Variants in KCNAB1 observed in about 807,000 individuals in gnomAD.
The protein encoded by KCNAB1 is voltage-gated potassium channel subunit beta-1.
In KCNAB1, 35 loss-of-function variants were observed where a neutral mutation model predicts 64.6. The ratio of observed to expected loss-of-function variants is 0.54; its 90% CI spans 0.41 to 0.72. KCNAB1 has a LOEUF of 0.72. Ranked by LOEUF, KCNAB1 falls within the 30% of genes least tolerant of loss-of-function variation. KCNAB1 has a pLI of 0.00. For missense variants in KCNAB1, 401 were observed against 512.9 expected, an observed-to-expected ratio of 0.78 and a Z score of 2.11; for synonymous variants, 177 against 183.8, an observed-to-expected ratio of 0.96 and a Z score of 0.30.
At position 156,443,779 on chromosome 3, in the gene KCNAB1, C is replaced by CA. The variant is rs1553747644; in HGVS notation, c.320-9119dup. Among the ~76,000 whole-genome samples, 319 of 145,436 alleles carry CA rather than the reference C, an allele frequency of 2.2e-3. 1 individual carries two copies. Among genetic ancestry groups the CA allele is most frequent in the African/African-American group, 7.9e-3 (286 of 36,258 alleles). Reference sequence around the variant, plus strand: ...ACACACACACACACACACACACACACACTATTCTTTACTTGTAAATGGAGA... The same window carrying CA: ...ACACACACACACACACACACACACACAACTATTCTTTACTTGTAAATGGAGA... On this transcript the variant is annotated intron_variant, in intron 2 of 13. Coordinates refer to ENST00000490337, the MANE Select transcript of KCNAB1 (RefSeq NM_172160.3).
At chr3:156,188,504 G>T (rs556184026) in intron 1 of KCNAB1, among the ~76,000 whole-genome samples, 1 of 152,224 alleles carries the variant, frequency 6.6e-6, no homozygotes, top group South Asian at 2.1e-4. Flanking sequence ...AGAAATGCAT[G>T]CTCATGTAAA....
At chr3:156,281,635 A>T (rs1719732064) in intron 1 of KCNAB1, among the ~76,000 whole-genome samples, 1 of 152,144 alleles carries the variant, frequency 6.6e-6, no homozygotes, top group Non-Finnish European at 1.5e-5. Flanking sequence ...TATTGCCACA[A>T]TTTCAGCTCC....
intron 2 of KCNAB1, among the ~76,000 whole-genome samples, chr3:156,450,577 A>G (rs1391256520): frequency 6.6e-6 from 1 of 152,222 alleles, no homozygotes. Flanking sequence ...CTCTGGACAC[A>G]TAATTTCTGC....
In KCNAB1 at chr3:156,452,383, A is replaced by G. The variant is rs147582821; in HGVS notation, c.320-516A>G. On this transcript the variant is annotated intron_variant, in intron 2 of 13. Coordinates refer to ENST00000490337, the MANE Select transcript of KCNAB1 (RefSeq NM_172160.3). This position sits in a 1 kb window ranked among gnomAD's most constrained non-coding sequence, Gnocchi z 4.6. ...TGGCAGGTTATGACAGAGAAGGCAC[A>G]TAAGTGTCACCTCCTGAGTCTTGTA... 6.5e-4 allele frequency among the ~76,000 whole-genome samples: 99 copies of G among 152,374 alleles called. 1 individual carries two copies. The highest frequency in any genetic ancestry group is 3.4e-3 in the Middle Eastern group (1 of 294).
chr3:156,199,895 G>A (rs904102280), intron 1 of KCNAB1, among the ~76,000 whole-genome samples: 1 of 152,184 alleles, frequency 6.6e-6, no homozygotes, highest in Non-Finnish European at 1.5e-5. Flanking sequence ...GAGGAGAAGA[G>A]GCATTGTGGT....
At chr3:156,474,147 C>T (rs1714165987) in intron 7 of KCNAB1, among the ~76,000 whole-genome samples, 1 of 152,096 alleles carries the variant, frequency 6.6e-6, no homozygotes, top group Non-Finnish European at 1.5e-5. Flanking sequence ...TGGTAGAGCT[C>T]AGCTATATTT....
intron 8 of KCNAB1, among the ~76,000 whole-genome samples, chr3:156,500,283 G>A (rs936646339): frequency 3.9e-5 from 6 of 152,184 alleles, no homozygotes; most frequent in African/African-American, 2.4e-5. Context: ...GCAGAGTGGA[G>A]GGTTAGACAA....
intron 1 of KCNAB1, among the ~76,000 whole-genome samples, chr3:156,354,472 TAA>T (rs1725098388): frequency 1.3e-5 from 2 of 152,040 alleles, no homozygotes; most frequent in East Asian, 3.9e-4. Flanking sequence ...ATAATATCCT[TAA>T]AGACATTTAA....
At chr3:156,385,574 G>A (rs1466070154) in intron 1 of KCNAB1, among the ~76,000 whole-genome samples, 1 of 152,052 alleles carries the variant, frequency 6.6e-6, no homozygotes, top group Non-Finnish European at 1.5e-5. Context: ...ATATGGCACA[G>A]TTACCTAATT....
At chr3:156,504,316 T>C (rs1313716372) in intron 8 of KCNAB1, among the ~76,000 whole-genome samples, 1 of 152,228 alleles carries the variant, frequency 6.6e-6, no homozygotes, top group Non-Finnish European at 1.5e-5. Flanking sequence ...CATCTGTTGA[T>C]GAACACTTAG....
intron 1 of KCNAB1, among the ~76,000 whole-genome samples, chr3:156,199,018 G>A (rs1011630046): frequency 6.8e-6 from 1 of 146,600 alleles, no homozygotes; most frequent in Non-Finnish European, 1.5e-5. Context: ...GCCTGGTGGT[G>A]GCAATATCCC....
intron 1 of KCNAB1, among the ~76,000 whole-genome samples, chr3:156,254,230 T>G (rs747958384): frequency 9.2e-5 from 14 of 152,226 alleles, no homozygotes; most frequent in Non-Finnish European, 1.6e-4. Flanking sequence ...ATTTGGAATA[T>G]TCTGGCTAAG....
chr3:156,417,194 A>C (rs1007244028), intron 1 of KCNAB1, among the ~76,000 whole-genome samples: 2 of 152,238 alleles, frequency 1.3e-5, no homozygotes, highest in Non-Finnish European at 2.9e-5. Context: ...GCTCATGTAC[A>C]TTATTAAATG....
intron 1 of KCNAB1, among the ~76,000 whole-genome samples, chr3:156,179,320 T>C (rs1476208621): frequency 2.6e-5 from 4 of 152,138 alleles, no homozygotes; most frequent in African/African-American, 9.7e-5. Context: ...AGTCCATTTA[T>C]ACCTTTCCTT....
At chr3:156,258,798 TCC>T (rs1043906755) in intron 1 of KCNAB1, among the ~76,000 whole-genome samples, 1 of 152,094 alleles carries the variant, frequency 6.6e-6, no homozygotes, top group Non-Finnish European at 1.5e-5. Flanking sequence ...TCTCTCCCCT[TCC>T]CCCACATGGA....
At chr3:156,147,965 G>GCACACA (rs778969621) in intron 1 of KCNAB1, among the ~76,000 whole-genome samples, 1 of 55,764 alleles carries the variant, frequency 1.8e-5, no homozygotes, top group African/African-American at 5.8e-5. Flanking sequence ...ACACACGCAC[G>GCACACA]CACACGCACA....
chr3:156,238,815 T>G (rs1278172376), intron 1 of KCNAB1, among the ~76,000 whole-genome samples: 1 of 152,226 alleles, frequency 6.6e-6, no homozygotes, highest in African/African-American at 2.4e-5. Flanking sequence ...TGTTGAGATA[T>G]GAAATTATGC....
chr3:156,409,741 T>C (rs146667527), intron 1 of KCNAB1, among the ~76,000 whole-genome samples: 170 of 152,338 alleles, frequency 1.1e-3, no homozygotes, highest in Admixed American at 2.3e-3. Context: ...ACTTCACTGC[T>C]GGTCACTGCA....
intron 1 of KCNAB1, among the ~76,000 whole-genome samples, chr3:156,160,797 G>A (rs188531716): frequency 4.6e-5 from 7 of 152,316 alleles, no homozygotes; most frequent in East Asian, 3.9e-4. Context: ...AGCTTTGTTC[G>A]CTGCATTCTG....
Sources: allele counts gnomAD v4.1 joint callset (sites outside exome capture counted in the v4.1 genomes callset), GRCh38; gene constraint gnomAD v4.1.1; non-coding constraint Gnocchi (gnomAD v3.1); transcripts MANE v1.5; gene names NCBI Gene and HGNC (gene_info 2026-07-23, HGNC 2026-07-21).